Variants in C10orf143 observed in about 807,000 individuals in gnomAD.
The protein encoded by C10orf143 is uncharacterized protein C10orf143.
rs1860887583 is a variant in C10orf143, at chr10:130,064,033, G to A, written c.*321C>T. 1 of 243,538 alleles carries A rather than the reference G, an allele frequency of 4.1e-6. No individual in the cohort carries two copies. 15.1% of individuals were successfully genotyped at this position (243,538 alleles called of 1,614,324 possible). ...AGGCCATGAGTGCCCAAGCTCATAG[G>A]AAGTTTGATACAAAATTTTTTGACT... is the stretch of plus-strand genomic sequence containing the variant. On this transcript the variant is annotated 3_prime_UTR_variant, in exon 4 of 4. Coordinates refer to ENST00000637128, the MANE Select transcript of C10orf143 (RefSeq NM_001355042.2).
intron 3 of C10orf143, among the ~76,000 whole-genome samples, chr10:130,057,364 G>A (rs528027134): frequency 9.3e-4 from 141 of 152,206 alleles, no homozygotes; most frequent in African/African-American, 3.3e-3. Context: ...CCCATTAAAC[G>A]CTAAATCCCT....
chr10:130,052,743 C>T (rs576428416), intron 3 of C10orf143, among the ~76,000 whole-genome samples: 1 of 152,340 alleles, frequency 6.6e-6, no homozygotes, highest in South Asian at 2.1e-4. Context: ...ATAAGACTAT[C>T]GGTCAACTAA....
At chr10:130,092,842 G>C (rs1371991254) in intron 1 of C10orf143, among the ~76,000 whole-genome samples, 2 of 152,160 alleles carry the variant, frequency 1.3e-5, no homozygotes, top group Non-Finnish European at 2.9e-5. Flanking sequence ...TAATGGTAAA[G>C]GGATGAATGC....
chr10:130,057,821 T>A (rs1181224743), intron 3 of C10orf143, among the ~76,000 whole-genome samples: 1 of 152,134 alleles, frequency 6.6e-6, no homozygotes, highest in Non-Finnish European at 1.5e-5. Context: ...TGTCACTAAC[T>A]CCTCAGTGAG....
intron 3 of C10orf143, among the ~76,000 whole-genome samples, chr10:130,058,399 C>G (rs908849042): frequency 9.2e-5 from 14 of 152,034 alleles, no homozygotes; most frequent in Admixed American, 3.3e-4. Context: ...GTTAAATATG[C>G]TAATGTAAGT....
intron 1 of C10orf143, among the ~76,000 whole-genome samples, chr10:130,103,820 C>T (rs1221471894): frequency 2.4e-5 from 3 of 126,324 alleles, no homozygotes; most frequent in Non-Finnish European, 5.1e-5. Context: ...AAAAAGAAAA[C>T]AAAAAAAAAA....
chr10:130,073,538 G>A (rs1861066497), intron 3 of C10orf143, among the ~76,000 whole-genome samples: 1 of 152,070 alleles, frequency 6.6e-6, no homozygotes, highest in Non-Finnish European at 1.5e-5. Flanking sequence ...CCCAGACCCA[G>A]GAACGGCCAC....
chr10:130,102,622 C>A (rs939161227), intron 1 of C10orf143, among the ~76,000 whole-genome samples: 5 of 152,122 alleles, frequency 3.3e-5, no homozygotes, highest in Non-Finnish European at 7.4e-5. Context: ...CTTCATATAT[C>A]TATCAATTTT....
chr10:130,093,877 G>A (rs1433024425), intron 1 of C10orf143, among the ~76,000 whole-genome samples: 1 of 151,824 alleles, frequency 6.6e-6, no homozygotes, highest in Non-Finnish European at 1.5e-5. Context: ...AAGTGTAGTG[G>A]CGGGCACCTG....
rs1344949116 is a variant in C10orf143, at chr10:130,107,909, C to G, written c.69+2795G>C. ...TGATTCAGCTCTTCCTCCACAAAGG[C>G]AAGACAGATTTTATTCTAACTCTGG... On this transcript the variant is annotated intron_variant, in intron 1 of 3. Coordinates refer to ENST00000637128, the MANE Select transcript of C10orf143 (RefSeq NM_001355042.2). 5 of 1,351,196 alleles carry G rather than the reference C, an allele frequency of 3.7e-6. No individual in the cohort carries two copies. In the East Asian group the frequency reaches 9.2e-5, roughly 25 times the overall value. 83.7% of individuals were successfully genotyped at this position (1,351,196 alleles called of 1,614,324 possible).
chr10:130,049,425 G>C (rs998063974), intron 3 of C10orf143, among the ~76,000 whole-genome samples: 1 of 152,214 alleles, frequency 6.6e-6, no homozygotes, highest in African/African-American at 2.4e-5. Flanking sequence ...ACATGCCCCG[G>C]GTGCCATCCA....
At chr10:130,079,348 A>G (rs930144751) in intron 3 of C10orf143, among the ~76,000 whole-genome samples, 1 of 152,220 alleles carries the variant, frequency 6.6e-6, no homozygotes, top group East Asian at 1.9e-4. Context: ...GGAATTTTAA[A>G]TGTATTTGCA....
chr10:130,060,884 T>A (rs995337363), downstream of C10orf143, among the ~76,000 whole-genome samples: 1 of 146,414 alleles, frequency 6.8e-6, no homozygotes, highest in Non-Finnish European at 1.5e-5. Context: ...ACACCTGTAA[T>A]CCCAGCACTA....
chr10:130,036,190 C>T (rs1860543318), intron 3 of C10orf143, among the ~76,000 whole-genome samples: 1 of 152,166 alleles, frequency 6.6e-6, no homozygotes, highest in Non-Finnish European at 1.5e-5. Flanking sequence ...CTCCTGTATT[C>T]TGATGGGGAA....
chr10:130,096,329 T>G (rs1861461645), intron 1 of C10orf143, among the ~76,000 whole-genome samples: 1 of 151,866 alleles, frequency 6.6e-6, no homozygotes, highest in African/African-American at 2.4e-5. Context: ...AGGAACGTTT[T>G]TACACTGTTG....
intron 3 of C10orf143, among the ~76,000 whole-genome samples, chr10:130,039,036 A>G (rs1247651168): frequency 6.6e-6 from 1 of 152,116 alleles, no homozygotes; most frequent in Non-Finnish European, 1.5e-5. Flanking sequence ...CATCCCAAGA[A>G]AGGCTCAGCC....
At chr10:130,048,944 A>G (rs1860707308) in intron 3 of C10orf143, among the ~76,000 whole-genome samples, 1 of 152,060 alleles carries the variant, frequency 6.6e-6, no homozygotes, top group South Asian at 2.1e-4. Context: ...GTCTCAGAGG[A>G]TCCTCCTACC....
intron 1 of C10orf143, among the ~76,000 whole-genome samples, chr10:130,087,625 T>G (rs1195422374): frequency 1.3e-5 from 2 of 151,918 alleles, no homozygotes. Flanking sequence ...TTTCCGGAGG[T>G]GATGGTCCCA....
chr10:130,080,173 A>G (rs2134769009), intron 1 of C10orf143, among the ~76,000 whole-genome samples: 1 of 152,368 alleles, frequency 6.6e-6, no homozygotes, highest in Non-Finnish European at 1.5e-5. Context: ...AAACTCTTGT[A>G]ATAAACTATG....
Sources: gnomAD v4.1 joint callset for allele counts (sites outside exome capture counted in the v4.1 genomes callset) on GRCh38, gnomAD v4.1.1 for gene constraint, MANE v1.5 for transcripts, NCBI Gene and HGNC (gene_info 2026-07-23, HGNC 2026-07-21) for gene names.